The following DCP1A variants were observed in gnomAD, a reference collection of about 807,000 sequenced individuals.
The protein encoded by DCP1A is mRNA-decapping enzyme 1A.
In DCP1A, 20 loss-of-function variants were observed where a neutral mutation model predicts 58.0. The observed-to-expected ratio is 0.34, with a 90% confidence interval of 0.24 to 0.50. DCP1A has a LOEUF of 0.50. Ranked by LOEUF, DCP1A falls within the 20% of genes least tolerant of loss-of-function variation. DCP1A has a pLI of 0.98. For synonymous variants in DCP1A, 285 were observed against 275.1 expected (o/e 1.04, Z -0.36); for missense variants, 613 against 712.2 (o/e 0.86, Z 1.59).
intron 5 of DCP1A, among the ~76,000 whole-genome samples, chr3:53,309,327 C>T (rs1011256726): frequency 5.4e-5 from 8 of 149,470 alleles, no homozygotes; most frequent in South Asian, 4.2e-4. Flanking sequence ...GTCGAGATCG[C>T]GCCACTGCAC....
intron 3 of DCP1A, chr3:53,329,426 T>G (rs2088941769): frequency 2.5e-6 from 1 of 398,484 alleles, no homozygotes; most frequent in Non-Finnish European, 4.4e-6. Flanking sequence ...GAAGGGGTAC[T>G]TCTCTCTGGC....
chr3:53,330,247 G>A (rs2088962615), intron 3 of DCP1A, among the ~76,000 whole-genome samples: 1 of 152,114 alleles, frequency 6.6e-6, no homozygotes, highest in Non-Finnish European at 1.5e-5. Context: ...TAAGAATCCT[G>A]ACCCAGCGGG....
intron 3 of DCP1A, among the ~76,000 whole-genome samples, chr3:53,326,114 T>G (rs1708096943): frequency 6.6e-6 from 1 of 152,224 alleles, no homozygotes. Flanking sequence ...CTTCAGTTTA[T>G]CATTTAAAAA....
At chr3:53,318,036 GCTCACGC>G (rs1388586689) in intron 4 of DCP1A, among the ~76,000 whole-genome samples, 5 of 152,224 alleles carry the variant, frequency 3.3e-5, no homozygotes, top group Non-Finnish European at 5.9e-5. Flanking sequence ...TGGCATGGTG[GCTCACGC>G]CTATAATCCC....
intron 3 of DCP1A, among the ~76,000 whole-genome samples, chr3:53,333,684 C>T (rs781857208): frequency 1.7e-4 from 26 of 151,994 alleles, no homozygotes; most frequent in Non-Finnish European, 2.6e-4. Flanking sequence ...ACTAAAGTGG[C>T]TTATTAAAAT....
chr3:53,304,206 C>G lies in DCP1A; in HGVS notation c.595G>C (p.Glu199Gln). The change falls in exon 6 of 10, where the codon GAA becomes CAA. Residue 199 changes from glutamate to glutamine, a missense_variant. Around this residue, in one of 3 missense-constraint regions of DCP1A, gnomAD observed 498 missense variants for 556.7 expected, o/e 0.89. Transcript: ENST00000610213. ...LSNLGSTETL[E>Q]EMPSGSQDKS... ...TCCTGTGACCCGGAGGGCATTTCTT[C>G]TAGAGTCTCGGTGCTTCCCAGATTG... The G allele has an allele frequency of 1.2e-6, 2 of 1,613,808 alleles. No individual in the cohort carries two copies. Among genetic ancestry groups the G allele is most frequent in the South Asian group, 1.1e-5 (1 of 91,074 alleles).
chr3:53,322,383 G>A (rs1336484316), intron 3 of DCP1A, among the ~76,000 whole-genome samples: 2 of 151,660 alleles, frequency 1.3e-5, no homozygotes, highest in Non-Finnish European at 2.9e-5. Flanking sequence ...ACTGGGAGGT[G>A]GAGGTTGCAG....
chr3:53,327,926 C>T (rs558451463), intron 3 of DCP1A, among the ~76,000 whole-genome samples: 86 of 151,846 alleles, frequency 5.7e-4, no homozygotes, highest in South Asian at 1.9e-3. Context: ...AGTTCAAGAC[C>T]AGCCTGGCCA....
Position 53,306,931 on chromosome 3 carries a change from CTTTTT to C in DCP1A, c.511-2646_511-2642del, listed in dbSNP as rs1159787111. 8.6e-3 allele frequency among the ~76,000 whole-genome samples: 869 copies of C among 101,600 alleles called. 3 individuals carry two copies. The highest frequency in any genetic ancestry group is 0.033 in the African/African-American group (822 of 25,002). The allele number at this position is 101,600 out of a possible 152,430, so 66.7% of individuals were successfully genotyped here. On this transcript the variant is annotated intron_variant, in intron 5 of 9. Coordinates refer to ENST00000610213, the MANE Select transcript of DCP1A (RefSeq NM_018403.7). ...CACCAACCATGTTGCCCAGGCTGTTCTTTTTTTTTTTTTTTTTTTTTTGTGGACTG... is the reference window on the plus strand; with the variant it reads ...CACCAACCATGTTGCCCAGGCTGTTCTTTTTTTTTTTTTTTTTGTGGACTG...
intron 7 of DCP1A, 25 bp downstream of exon 7, chr3:53,292,040 TCTGC>T: frequency 6.3e-7 from 1 of 1,580,494 alleles, no homozygotes; most frequent in Non-Finnish European, 8.6e-7. Flanking sequence ...AGTTACCCAC[TCTGC>T]CCACCCCCAC....
intron 3 of DCP1A, among the ~76,000 whole-genome samples, chr3:53,330,588 C>T (rs1205846491): frequency 4.6e-5 from 7 of 150,610 alleles, no homozygotes; most frequent in South Asian, 2.1e-4. Flanking sequence ...AAAGTTCTAA[C>T]GCAGTTTAGT....
chr3:53,317,573 G>A (rs1158864132), intron 4 of DCP1A, among the ~76,000 whole-genome samples: 2 of 152,218 alleles, frequency 1.3e-5, no homozygotes, highest in Admixed American at 1.3e-4. Context: ...GGTTTTAGCT[G>A]GGTATGGTGG....
intron 3 of DCP1A, among the ~76,000 whole-genome samples, chr3:53,319,845 T>C (rs538458231): frequency 6.6e-6 from 1 of 152,276 alleles, no homozygotes; most frequent in East Asian, 1.9e-4. Flanking sequence ...ATATTAAAAT[T>C]GTTGCCGGGC....
At chr3:53,304,745 C>CTT (rs374994319) in intron 5 of DCP1A, among the ~76,000 whole-genome samples, 4,337 of 145,570 alleles carry the variant, frequency 0.03, 99 homozygotes, top group Middle Eastern at 0.063. Context: ...GCTGGTTTTT[C>CTT]TTTTTTTTTT....
At chr3:53,289,876 G>A (rs781876390) in intron 8 of DCP1A, among the ~76,000 whole-genome samples, 22 of 152,192 alleles carry the variant, frequency 1.4e-4, no homozygotes, top group East Asian at 3.9e-4. Flanking sequence ...AGCACAGAGC[G>A]GGCCACAGTT....
At chr3:53,294,156 G>C (rs1707033967) in intron 6 of DCP1A, among the ~76,000 whole-genome samples, 1 of 152,232 alleles carries the variant, frequency 6.6e-6, no homozygotes, top group East Asian at 1.9e-4. Context: ...TAGAGGATCT[G>C]GACTTTATCC....
chr3:53,290,940 C>T, intron 7 of DCP1A, 84 bp from the exon 8 acceptor site: 3 of 1,228,502 alleles, frequency 2.4e-6, no homozygotes, highest in South Asian at 2.7e-5. Context: ...AAAAGACTTT[C>T]CCAGTGGAAA....
At chr3:53,304,360 C>T in intron 5 of DCP1A, 70 bp from the exon 6 acceptor site, 2 of 1,015,782 alleles carry the variant, frequency 2.0e-6, no homozygotes, top group Non-Finnish European at 3.0e-6. Flanking sequence ...CACAAAACAG[C>T]ATCTGAGGTT....
intron 4 of DCP1A, among the ~76,000 whole-genome samples, chr3:53,314,092 C>T (rs1478829876): frequency 6.6e-6 from 1 of 151,828 alleles, no homozygotes; most frequent in African/African-American, 2.4e-5. Flanking sequence ...CAAGGTCTCA[C>T]CATGTTGCCC....
Sources: allele counts gnomAD v4.1 joint callset (sites outside exome capture counted in the v4.1 genomes callset), GRCh38; gene constraint gnomAD v4.1.1; regional missense constraint gnomAD v4.1.1; transcripts MANE v1.5; gene names NCBI Gene and HGNC (gene_info 2026-07-23, HGNC 2026-07-21).